The following ABCB7 variants were observed in gnomAD, a reference collection of about 807,000 sequenced individuals.
ABCB7 encodes ATP binding cassette subfamily B member 7.
Under a neutral mutation model 54.4 loss-of-function variants are expected in ABCB7, and 7 were observed. The ratio of observed to expected loss-of-function variants is 0.13; its 90% CI spans 0.07 to 0.24. The LOEUF is 0.24. Ranked by LOEUF, ABCB7 falls within the 10% of genes least tolerant of loss-of-function variation. ABCB7 has a pLI of 1.00. For missense variants in ABCB7, 356 were observed against 570.4 expected, an observed-to-expected ratio of 0.62 and a Z score of 3.83; for synonymous variants, 218 against 207.1, an observed-to-expected ratio of 1.05 and a Z score of -0.45.
At chrX:75,149,249 A>G (rs745877795) in intron 1 of ABCB7, among the ~76,000 whole-genome samples, 1 of 112,157 alleles carries the variant, frequency 8.9e-6, no homozygotes, top group East Asian at 2.8e-4. Context: ...TTCTACAAAC[A>G]GCAAATTTTT....
At chrX:75,139,062 AT>A (rs1304160972) in intron 1 of ABCB7, among the ~76,000 whole-genome samples, 1 of 108,734 alleles carries the variant, frequency 9.2e-6, no homozygotes, top group Non-Finnish European at 1.9e-5. Context: ...ATCTGAAACT[AT>A]TTTTAAGACC....
At chrX:75,113,867 T>G (rs2081784781) in intron 2 of ABCB7, among the ~76,000 whole-genome samples, 1 of 112,138 alleles carries the variant, frequency 8.9e-6, no homozygotes, top group African/African-American at 3.2e-5. Flanking sequence ...TTTGGATCAA[T>G]AATCTCAAAG....
intron 11 of ABCB7, 64 bp downstream of exon 11, chrX:75,069,227 G>T: frequency 8.3e-7 from 1 of 1,199,838 alleles, no homozygotes; most frequent in African/African-American, 1.7e-5. Flanking sequence ...GATAAAGAAA[G>T]AAATATTACA....
rs5981759 is a variant in ABCB7, at chrX:75,065,554, A to G, written c.1660-313T>C. On this transcript the variant is annotated intron_variant, in intron 12 of 15. Coordinates refer to ENST00000373394, the MANE Select transcript of ABCB7 (RefSeq NM_001271696.3). ...TTGCTTTTTTCAGTTAACATATCAT[A>G]GAGATTGTCCATGTCAATAACAGAA... Among the ~76,000 whole-genome samples the G allele has an allele frequency of 0.029, 3,200 of 111,744 alleles. 117 individuals carry two copies. Among genetic ancestry groups the G allele is most frequent in the African/African-American group, 0.1 (3,066 of 30,675 alleles).
intron 15 of ABCB7, among the ~76,000 whole-genome samples, chrX:75,059,057 T>C (rs1229189764): frequency 1.8e-5 from 2 of 111,235 alleles, no homozygotes; most frequent in African/African-American, 3.3e-5. Flanking sequence ...ATGAAGGTAA[T>C]AGTATACAAA....
chrX:75,073,844 T>C, intron 7 of ABCB7, 24 bp downstream of exon 7: 1 of 1,197,246 alleles, frequency 8.4e-7, no homozygotes, highest in Non-Finnish European at 1.1e-6. Flanking sequence ...CTAAATTTTA[T>C]GTGGCTTCTA....
At position 75,075,578 on chromosome X, in the gene ABCB7, T is replaced by C. The variant is rs766647581; in HGVS notation, c.639A>G (p.Val213=). 6.6e-6 allele frequency: 8 copies of C among 1,210,543 alleles called. No homozygotes were observed. The highest frequency in any genetic ancestry group is 8.9e-6 in the Non-Finnish European group (8 of 894,588). Residue 213 remains valine, a synonymous_variant, in exon 6 of 16, where the codon GTA becomes GTG. Transcript: ENST00000373394. ...AAFFNEVRNA[V]FGKVAQNSIR... ...TTGAATTCTGGGCTACCTTGCCAAA[T>C]ACTGCATTTCGAACTTCGTTAAAAA...
chrX:75,079,371 G>A (rs1355699692), intron 4 of ABCB7, among the ~76,000 whole-genome samples: 1 of 112,206 alleles, frequency 8.9e-6, no homozygotes, highest in Non-Finnish European at 1.9e-5. Context: ...TTAACATGTA[G>A]TGTTAAGTTT....
intron 4 of ABCB7, among the ~76,000 whole-genome samples, chrX:75,090,233 C>T (rs2081533487): frequency 9.2e-6 from 1 of 108,792 alleles, no homozygotes; most frequent in Non-Finnish European, 1.9e-5. Context: ...GATCATTCAC[C>T]GAGATAAATG....
At chrX:75,121,283 T>C (rs1303268685) in intron 1 of ABCB7, among the ~76,000 whole-genome samples, 1 of 98,899 alleles carries the variant, frequency 1.0e-5, no homozygotes, top group East Asian at 3.1e-4. Flanking sequence ...AGCGAGACTC[T>C]GTCTCAAAAA....
At chrX:75,123,614 TTAAAA>T (rs1436871015) in intron 1 of ABCB7, among the ~76,000 whole-genome samples, 4 of 111,996 alleles carry the variant, frequency 3.6e-5, no homozygotes, top group Non-Finnish European at 5.6e-5. Flanking sequence ...TTTTATAATA[TTAAAA>T]TATCTTTCCA....
intron 4 of ABCB7, among the ~76,000 whole-genome samples, chrX:75,098,713 C>G (rs779414731): frequency 9.0e-6 from 1 of 111,596 alleles, no homozygotes; most frequent in Admixed American, 9.5e-5. Context: ...TATCTCACAA[C>G]GGTTTCAAGG....
rs5981317 is a variant in ABCB7 at position 75,069,509 on chromosome X, C to T, written c.1366-55G>A. On this transcript the variant is annotated intron_variant, in intron 10 of 15. Coordinates refer to ENST00000373394, the MANE Select transcript of ABCB7 (RefSeq NM_001271696.3). ...TTACGCACTGCCTAGAGTACAGCTACGAAGACAATTTTCTAATTCACAGAA... is the reference window on the plus strand; with the variant it reads ...TTACGCACTGCCTAGAGTACAGCTATGAAGACAATTTTCTAATTCACAGAA... 0.19 allele frequency: 213,017 copies of T among 1,126,093 alleles called. 34,187 individuals carry two copies. The highest frequency in any genetic ancestry group is 0.95 in the East Asian group (31,677 of 33,365). The allele number at this position is 1,126,093 out of a possible 1,213,427, so 92.8% of individuals were successfully genotyped here.
intron 15 of ABCB7, 120 bp from the exon 16 acceptor site, chrX:75,053,705 C>A: frequency 9.4e-7 from 1 of 1,060,997 alleles, no homozygotes; most frequent in South Asian, 2.2e-5. Context: ...AAATACTTCT[C>A]CCAATTCCTC....
intron 12 of ABCB7, among the ~76,000 whole-genome samples, chrX:75,066,682 T>C (rs1235492931): frequency 9.7e-6 from 1 of 103,050 alleles, no homozygotes; most frequent in African/African-American, 3.4e-5. Context: ...TTTAATAAAT[T>C]AAACTTTAAA....
chrX:75,105,046 C>T, intron 3 of ABCB7, among the ~76,000 whole-genome samples: 1 of 111,038 alleles, frequency 9.0e-6, no homozygotes, highest in Middle Eastern at 4.6e-3. Context: ...TAATCAAAGC[C>T]ACATATGGCA....
At chrX:75,070,214 A>T in intron 10 of ABCB7, 151 bp downstream of exon 10, 1 of 563,931 alleles carries the variant, frequency 1.8e-6, no homozygotes, top group Non-Finnish European at 2.9e-6. Flanking sequence ...ACAACCTCTT[A>T]ATACAGGTGA....
At chrX:75,100,014 A>G (rs551208737) in intron 3 of ABCB7, among the ~76,000 whole-genome samples, 7 of 111,245 alleles carry the variant, frequency 6.3e-5, no homozygotes, top group African/African-American at 2.0e-4. Flanking sequence ...GCAATTTGCT[A>G]TATATTACAA....
chrX:75,070,619 T>C (rs2081356648), intron 9 of ABCB7, 97 bp from the exon 10 acceptor site: 13 of 861,024 alleles, frequency 1.5e-5, no homozygotes, highest in Non-Finnish European at 1.2e-5. Flanking sequence ...GAACAAAATA[T>C]TCTTAATCAG....
Sources: gnomAD v4.1 joint callset for allele counts (sites outside exome capture counted in the v4.1 genomes callset) on GRCh38, gnomAD v4.1.1 for gene constraint, MANE v1.5 for transcripts, NCBI Gene and HGNC (gene_info 2026-07-23, HGNC 2026-07-21) for gene names.